Variants in BCAS3 observed in about 807,000 individuals in gnomAD.
The protein encoded by BCAS3 is BCAS3 microtubule associated cell migration factor.
In BCAS3, 53 loss-of-function variants were observed where a neutral mutation model predicts 116.1. That is an observed-to-expected ratio of 0.46 (90% CI 0.37 to 0.57). BCAS3 has a LOEUF of 0.57. Ranked by LOEUF, BCAS3 falls within the 20% of genes least tolerant of loss-of-function variation. The probability of loss-of-function intolerance (pLI) is 0.00; values close to 1 mark genes in which losing one functional copy is unlikely to be tolerated. For synonymous variants in BCAS3, 391 were observed against 408.2 expected (o/e 0.96, Z 0.51); for missense variants, 917 against 1,165.4 (o/e 0.79, Z 3.10).
chr17:60,760,528 A>C (rs565953577), intron 6 of BCAS3, among the ~76,000 whole-genome samples: 2 of 151,186 alleles, frequency 1.3e-5, no homozygotes, highest in East Asian at 3.9e-4. Context: ...AGCACTTGCA[A>C]TATGTCATTC....
chr17:60,692,318 T>C (rs1265662228), intron 4 of BCAS3, among the ~76,000 whole-genome samples: 1 of 152,142 alleles, frequency 6.6e-6, no homozygotes, highest in Admixed American at 6.6e-5. Flanking sequence ...CTCAGCTCAC[T>C]GCAAGCTTCG....
chr17:60,723,609 A>C (rs1246316191), intron 5 of BCAS3, among the ~76,000 whole-genome samples: 2 of 152,140 alleles, frequency 1.3e-5, no homozygotes, highest in Admixed American at 1.3e-4. Context: ...AGGACATTTA[A>C]ATTTGATGCA....
rs997184898 is a variant in BCAS3, at chr17:61,051,952, A to G, written c.2029+11060A>G. On this transcript the variant is annotated intron_variant, in intron 19 of 23. Coordinates refer to ENST00000407086, the MANE Select transcript of BCAS3 (RefSeq NM_017679.5). This position sits in a 1 kb window ranked among gnomAD's most constrained non-coding sequence, Gnocchi z 4.1. ...ATTAATGCAAAACAGAAAATACAGGAAAAAAGGAAAAAGATCAGAGTATAA... is the reference window on the plus strand; with the variant it reads ...ATTAATGCAAAACAGAAAATACAGGGAAAAAGGAAAAAGATCAGAGTATAA... 5.9e-5 allele frequency among the ~76,000 whole-genome samples: 9 copies of G among 152,172 alleles called. No homozygotes were observed. The highest frequency in any genetic ancestry group is 1.3e-4 in the Non-Finnish European group (9 of 68,016).
rs1446304300 is a variant in BCAS3 at position 61,243,494 on chromosome 17, A to G, written c.2426-124833A>G. On this transcript the variant is annotated intron_variant, in intron 22 of 23. Coordinates refer to ENST00000407086, the MANE Select transcript of BCAS3 (RefSeq NM_017679.5). The surrounding 1 kb of genome is among the most constrained non-coding windows in gnomAD (Gnocchi z 5.6). ...TCCACATTTCAGTTCCTTTTGATAT[A>G]TACACCCAGCAGTGGGACTGCTGGG... Among the ~76,000 whole-genome samples, 1 of 151,910 alleles carries G rather than the reference A, an allele frequency of 6.6e-6. No homozygotes were observed. The highest frequency in any genetic ancestry group is 1.5e-5 in the Non-Finnish European group (1 of 68,034).
chr17:60,759,123 G>A (rs569604692), intron 6 of BCAS3, among the ~76,000 whole-genome samples: 43 of 152,064 alleles, frequency 2.8e-4, no homozygotes, highest in African/African-American at 1.0e-3. Flanking sequence ...ACAGGCACAT[G>A]CCACCACACC....
At chr17:60,726,947 T>G (rs2039939262) in intron 5 of BCAS3, among the ~76,000 whole-genome samples, 1 of 152,190 alleles carries the variant, frequency 6.6e-6, no homozygotes, top group Admixed American at 6.5e-5. Context: ...ATCCTGTCAA[T>G]TTTACTAGTT....
At position 61,008,364 on chromosome 17, in the gene BCAS3, C is replaced by T. The variant is rs1848050459; in HGVS notation, c.1487-7387C>T. 6.6e-6 allele frequency among the ~76,000 whole-genome samples: 1 copy of T among 151,906 alleles called. No individual in the cohort carries two copies. Among genetic ancestry groups the T allele is most frequent in the Non-Finnish European group, 1.5e-5 (1 of 67,940 alleles). On this transcript the variant is annotated intron_variant, in intron 15 of 23. Transcript: ENST00000407086. The surrounding 1 kb of genome is among the most constrained non-coding windows in gnomAD (Gnocchi z 4.6). Reference sequence around the variant, plus strand: ...CCCATCCCAACCAAAAATAACCCACCTGCAGGAAATTCCCTTCTACACAGG... The same window carrying T: ...CCCATCCCAACCAAAAATAACCCACTTGCAGGAAATTCCCTTCTACACAGG...
Position 61,249,408 on chromosome 17 carries a change from A to T in BCAS3, c.2426-118919A>T, listed in dbSNP as rs2048206082. 6.6e-6 allele frequency among the ~76,000 whole-genome samples: 1 copy of T among 152,212 alleles called. No individual in the cohort carries two copies. Among genetic ancestry groups the T allele is most frequent in the South Asian group, 2.1e-4 (1 of 4,832 alleles). ...ATGTTCCCAGAGCAGAGCACTCCTT[A>T]AACTAGGATGAGAAAAGTTAATTTT... On this transcript the variant is annotated intron_variant, in intron 22 of 23. Transcript: ENST00000407086. The surrounding 1 kb of genome is among the most constrained non-coding windows in gnomAD (Gnocchi z 6.2).
chr17:60,880,445 C>G (rs1003163737), intron 9 of BCAS3, among the ~76,000 whole-genome samples: 27 of 152,222 alleles, frequency 1.8e-4, no homozygotes, highest in African/African-American at 6.5e-4. Flanking sequence ...CATGCCACCA[C>G]ACCCAGCTAA....
At position 60,994,171 on chromosome 17, in the gene BCAS3, A is replaced by G. The variant is rs996140527; in HGVS notation, c.1486+3936A>G. 6.6e-6 allele frequency among the ~76,000 whole-genome samples: 1 copy of G among 152,110 alleles called. No individual in the cohort carries two copies. The highest frequency in any genetic ancestry group is 1.5e-5 in the Non-Finnish European group (1 of 67,988). On this transcript the variant is annotated intron_variant, in intron 15 of 23. Coordinates refer to ENST00000407086, the MANE Select transcript of BCAS3 (RefSeq NM_017679.5). This position sits in a 1 kb window ranked among gnomAD's most constrained non-coding sequence, Gnocchi z 4.4. ...CAGAATTACTCATATCACTTTATAT[A>G]TGAAATATATATCTTGAAGTATCTT...
intron 6 of BCAS3, among the ~76,000 whole-genome samples, chr17:60,783,590 G>T (rs529446244): frequency 6.6e-6 from 1 of 152,256 alleles, no homozygotes; most frequent in South Asian, 2.1e-4. Flanking sequence ...TCTTTATTTT[G>T]CTGTGAACCT....
chr17:61,159,143 A>T (rs1270990131), intron 22 of BCAS3, among the ~76,000 whole-genome samples: 1 of 152,178 alleles, frequency 6.6e-6, no homozygotes, highest in South Asian at 2.1e-4. Flanking sequence ...TGATTACTCC[A>T]TAAGAATTAC....
chr17:61,246,021 G>C (rs1245571026), intron 22 of BCAS3, among the ~76,000 whole-genome samples: 1 of 152,124 alleles, frequency 6.6e-6, no homozygotes, highest in Admixed American at 6.6e-5. Context: ...CACAGTGATT[G>C]GGAGGGCTGA....
intron 15 of BCAS3, among the ~76,000 whole-genome samples, chr17:60,998,410 T>C (rs1423906329): frequency 2.0e-5 from 3 of 152,214 alleles, no homozygotes; most frequent in Non-Finnish European, 4.4e-5. Context: ...TTTAGTTCTT[T>C]ATGGAATCTC....
chr17:61,274,647 A>G (rs572288878), intron 22 of BCAS3, among the ~76,000 whole-genome samples: 1 of 152,170 alleles, frequency 6.6e-6, no homozygotes, highest in African/African-American at 2.4e-5. Flanking sequence ...AGCCAACACC[A>G]GACATAATGA....
chr17:61,243,232 A>G lies in BCAS3; in HGVS notation c.2426-125095A>G, dbSNP rs2047670459. The stretch of plus-strand genomic sequence containing the variant: ...ACTGCTATACACATTTAATGTCTAC[A>G]CTGTGATGAGTATGGAGATACGTAT... On this transcript the variant is annotated intron_variant, in intron 22 of 23. Coordinates refer to ENST00000407086, the MANE Select transcript of BCAS3 (RefSeq NM_017679.5). The surrounding 1 kb of genome is among the most constrained non-coding windows in gnomAD (Gnocchi z 5.6). 6.6e-6 allele frequency among the ~76,000 whole-genome samples: 1 copy of G among 152,296 alleles called. No homozygotes were observed. Among genetic ancestry groups the G allele is most frequent in the East Asian group, 1.9e-4 (1 of 5,178 alleles).
intron 22 of BCAS3, among the ~76,000 whole-genome samples, chr17:61,193,682 G>A (rs560137663): frequency 1.1e-3 from 154 of 138,946 alleles, no homozygotes; most frequent in Non-Finnish European, 1.8e-3. Flanking sequence ...GCTTGAACCC[G>A]GGAGGTGGAG....
intron 22 of BCAS3, among the ~76,000 whole-genome samples, chr17:61,357,396 C>G (rs2058209350): frequency 6.7e-6 from 1 of 149,438 alleles, no homozygotes; most frequent in East Asian, 2.0e-4. Flanking sequence ...CACCACTGCA[C>G]TCCAGCCTGG....
intron 13 of BCAS3, among the ~76,000 whole-genome samples, chr17:60,927,448 G>C (rs1422536328): frequency 6.6e-6 from 1 of 151,966 alleles, no homozygotes; most frequent in Non-Finnish European, 1.5e-5. Flanking sequence ...GTAGAGACGG[G>C]GTTTCACCAT....
Sources: gnomAD v4.1 joint callset for allele counts (sites outside exome capture counted in the v4.1 genomes callset) on GRCh38, gnomAD v4.1.1 for gene constraint, Gnocchi (gnomAD v3.1) non-coding constraint, MANE v1.5 for transcripts, NCBI Gene and HGNC (gene_info 2026-07-23, HGNC 2026-07-21) for gene names.